The following CEP57L1 variants were observed in gnomAD, a reference collection of about 807,000 sequenced individuals.
The protein encoded by CEP57L1 is centrosomal protein 57 like 1, also known as centrosomal protein CEP57L1.
CEP57L1 carries 37 observed loss-of-function variants against 61.0 expected under a neutral mutation model. The observed-to-expected ratio is 0.61, with a 90% CI of 0.47 to 0.80. The LOEUF is 0.80. CEP57L1 is among the 30% of genes least tolerant of loss of function. CEP57L1 has a pLI of 0.00. For synonymous variants in CEP57L1, 137 were observed against 162.3 expected, an observed-to-expected ratio of 0.84 and a Z score of 1.19; for missense variants, 422 against 524.7, an observed-to-expected ratio of 0.80 and a Z score of 1.91.
chr6:109,124,094 C>T (rs373430419), intron 1 of CEP57L1, among the ~76,000 whole-genome samples: 4 of 151,824 alleles, frequency 2.6e-5, no homozygotes, highest in East Asian at 3.9e-4. Flanking sequence ...AAAAGAACCA[C>T]TTCTATTGCC....
intron 1 of CEP57L1, among the ~76,000 whole-genome samples, chr6:109,098,570 G>A (rs1410997016): frequency 6.6e-6 from 1 of 152,054 alleles, no homozygotes; most frequent in East Asian, 1.9e-4. Context: ...AGGTAGTTGG[G>A]ACTACAGGCA....
chr6:109,138,551 A>G (rs750830742), intron 1 of CEP57L1, among the ~76,000 whole-genome samples: 7 of 152,204 alleles, frequency 4.6e-5, no homozygotes, highest in Non-Finnish European at 8.8e-5. Flanking sequence ...ATCAAAGAAC[A>G]TGAACTTCTT....
chr6:109,142,891 C>CTCTCTGTT (rs1369795021), intron 1 of CEP57L1, among the ~76,000 whole-genome samples: 2 of 151,834 alleles, frequency 1.3e-5, no homozygotes. Context: ...CATCTGTGCT[C>CTCTCTGTT]TCTCTGTTTC....
At chr6:109,119,674 A>G (rs1037466279) in intron 1 of CEP57L1, among the ~76,000 whole-genome samples, 1 of 152,206 alleles carries the variant, frequency 6.6e-6, no homozygotes, top group Non-Finnish European at 1.5e-5. Flanking sequence ...AGAACAAATA[A>G]ATGAGTGCAA....
chr6:109,152,772 G>A (rs1411807466), intron 4 of CEP57L1, among the ~76,000 whole-genome samples: 2 of 151,608 alleles, frequency 1.3e-5, no homozygotes, highest in Non-Finnish European at 2.9e-5. Context: ...AGTATGTTTG[G>A]TCACCTTGTA....
intron 3 of CEP57L1, 66 bp from the exon 4 acceptor site, chr6:109,150,052 A>G: frequency 2.1e-6 from 2 of 944,330 alleles, no homozygotes; most frequent in Non-Finnish European, 3.3e-6. Context: ...ATATACAATC[A>G]TGTCATCTGC....
chr6:109,157,586 A>T (rs1481209396), intron 7 of CEP57L1: 1 of 152,172 alleles, frequency 6.6e-6, no homozygotes, highest in East Asian at 1.9e-4. Context: ...AAAATGTGTT[A>T]TAGTCTGAGG....
chr6:109,128,028 C>T (rs1030671238), intron 1 of CEP57L1, among the ~76,000 whole-genome samples: 2 of 152,076 alleles, frequency 1.3e-5, no homozygotes, highest in Admixed American at 6.6e-5. Context: ...TCTCAGCTAC[C>T]TCTTTTGTCA....
At position 109,167,072 on chromosome 6, in the gene CEP57L1, A is replaced by C. The variant is rs1774155060; in HGVS notation, c.*4102A>C. Among the ~76,000 whole-genome samples the C allele has an allele frequency of 6.6e-6, 1 of 151,614 alleles. No individual in the cohort carries two copies. Among genetic ancestry groups the C allele is most frequent in the Admixed American group, 6.6e-5 (1 of 15,252 alleles). ...TAAAGTGAGATGAGGATAAATAAAAATAATATTGACTGTCACTCATCTGAA... is the reference window on the plus strand; with the variant it reads ...TAAAGTGAGATGAGGATAAATAAAACTAATATTGACTGTCACTCATCTGAA... On this transcript the variant is annotated 3_prime_UTR_variant, in exon 11 of 11. Transcript: ENST00000517392.
rs1774453592 is a variant in CEP57L1, at chr6:109,172,584, G to A, written c.*9614G>A. Among the ~76,000 whole-genome samples the A allele has an allele frequency of 6.6e-6, 1 of 152,160 alleles. No homozygotes were observed. The highest frequency in any genetic ancestry group is 1.5e-5 in the Non-Finnish European group (1 of 68,036). On this transcript the variant is annotated 3_prime_UTR_variant, in exon 11 of 11. Transcript: ENST00000517392. ...CTTGCTATGTTGATCCTTTACTGCG[G>A]TATTGTTTTTTGTTTTCTGACCCAA...
intron 2 of CEP57L1, among the ~76,000 whole-genome samples, chr6:109,145,875 C>T (rs1562118877): frequency 6.6e-6 from 1 of 151,770 alleles, no homozygotes; most frequent in African/African-American, 2.4e-5. Context: ...ATTAGGAAAA[C>T]ATTTTATTAC....
rs1459735190 is a variant in CEP57L1, at chr6:109,167,299, T to A, written c.*4329T>A. Among the ~76,000 whole-genome samples, 3 of 152,046 alleles carry A rather than the reference T, an allele frequency of 2.0e-5. No individual in the cohort carries two copies. Among genetic ancestry groups the A allele is most frequent in the Non-Finnish European group, 4.4e-5 (3 of 68,022 alleles). On this transcript the variant is annotated 3_prime_UTR_variant, in exon 11 of 11. Coordinates refer to ENST00000517392, the MANE Select transcript of CEP57L1 (RefSeq NM_001271852.3). ...GGCCAGAGTTTGTTGTTACTTTTGCTGTAGATTGTTTACTTAAAGAATTAG... is the reference window on the plus strand; with the variant it reads ...GGCCAGAGTTTGTTGTTACTTTTGCAGTAGATTGTTTACTTAAAGAATTAG...
At chr6:109,149,130 C>T (rs1772302228) in intron 3 of CEP57L1, among the ~76,000 whole-genome samples, 1 of 152,140 alleles carries the variant, frequency 6.6e-6, no homozygotes. Context: ...TTAATCAGAT[C>T]CCATTTGTCA....
chr6:109,115,767 C>G (rs1056432097), intron 1 of CEP57L1, among the ~76,000 whole-genome samples: 1 of 151,978 alleles, frequency 6.6e-6, no homozygotes, highest in South Asian at 2.1e-4. Flanking sequence ...GCCAAGTCAC[C>G]CAATCTTTTC....
At chr6:109,131,764 A>G (rs905645717) in intron 1 of CEP57L1, among the ~76,000 whole-genome samples, 7 of 152,110 alleles carry the variant, frequency 4.6e-5, no homozygotes, top group African/African-American at 1.4e-4. Context: ...AGAAGGCCCA[A>G]TTCTGTGGAG....
Position 109,163,108 on chromosome 6 carries a change from A to G in CEP57L1, c.*138A>G, listed in dbSNP as rs994062776. 4.8e-6 allele frequency: 3 copies of G among 621,384 alleles called. No individual in the cohort carries two copies. The African/African-American group carries it at 5.6e-5, about 12-fold the overall frequency. The allele number at this position is 621,384 out of a possible 1,614,324, so 38.5% of individuals were successfully genotyped here. ...TATAAAACATGAAGTTGCAGTATTTAAAAATTAATGCCTAATGACCTGGTG... is the reference window on the plus strand; with the variant it reads ...TATAAAACATGAAGTTGCAGTATTTGAAAATTAATGCCTAATGACCTGGTG... On this transcript the variant is annotated 3_prime_UTR_variant, in exon 11 of 11. Coordinates refer to ENST00000517392, the MANE Select transcript of CEP57L1 (RefSeq NM_001271852.3).
intron 3 of CEP57L1, among the ~76,000 whole-genome samples, chr6:109,149,729 T>C (rs1444028383): frequency 2.6e-5 from 4 of 152,182 alleles, no homozygotes; most frequent in African/African-American, 9.6e-5. Context: ...ATTTTCACGA[T>C]ATTGATTCTT....
rs138651648 is a variant in CEP57L1 at position 109,125,802 on chromosome 6, T to C, written c.-3-19417T>C. Among the ~76,000 whole-genome samples, 342 of 152,086 alleles carry C rather than the reference T, an allele frequency of 2.2e-3. 3 individuals are homozygous for C. Among genetic ancestry groups the C allele is most frequent in the Non-Finnish European group, 3.7e-3 (253 of 67,980 alleles). On this transcript the variant is annotated intron_variant, in intron 1 of 10. Transcript: ENST00000517392. The stretch of plus-strand genomic sequence containing the variant: ...TAGTATACTTTTATCCTTATAAATA[T>C]AATAAACATTATAAGAATGTTGAAA...
chr6:109,128,141 C>G (rs1297398367), intron 1 of CEP57L1, among the ~76,000 whole-genome samples: 1 of 152,144 alleles, frequency 6.6e-6, no homozygotes, highest in Non-Finnish European at 1.5e-5. Flanking sequence ...AAATGCTCAC[C>G]TAACCTCCAG....
Sources: allele counts gnomAD v4.1 joint callset (sites outside exome capture counted in the v4.1 genomes callset), GRCh38; gene constraint gnomAD v4.1.1; transcripts MANE v1.5; gene names NCBI Gene and HGNC (gene_info 2026-07-23, HGNC 2026-07-21).